Variants in EPAS1 observed in about 807,000 individuals in gnomAD.
EPAS1 encodes the protein endothelial PAS domain protein 1.
A neutral mutation model predicts 87.9 loss-of-function variants in EPAS1; 23 were observed. That is an observed-to-expected ratio of 0.26 (90% confidence interval 0.19 to 0.37). The LOEUF (loss-of-function observed/expected upper bound fraction) is 0.37. EPAS1 is among the 10% of genes least tolerant of loss of function. The pLI, the probability that EPAS1 is intolerant of heterozygous loss-of-function variation, is 1.00. For synonymous variants in EPAS1, 508 were observed against 444.3 expected, an observed-to-expected ratio of 1.14 and a Z score of -1.80; for missense variants, 1,138 against 1,120.7, an observed-to-expected ratio of 1.02 and a Z score of -0.22.
intron 14 of EPAS1, 91 bp from the exon 15 acceptor site, chr2:46,382,334 C>A (rs913474883): frequency 1.3e-6 from 2 of 1,527,780 alleles, no homozygotes. Context: ...ACTCTGAGCA[C>A]CTTTTATAAA....
chr2:46,304,598 C>G (rs1683072186), intron 1 of EPAS1, among the ~76,000 whole-genome samples: 1 of 152,094 alleles, frequency 6.6e-6, no homozygotes. Flanking sequence ...CATGGAACTC[C>G]TTGAATTTCT....
intron 1 of EPAS1, among the ~76,000 whole-genome samples, chr2:46,321,211 G>A (rs6724267): frequency 0.92 from 139,479 of 152,298 alleles, 63,977 homozygotes; most frequent in East Asian, 0.97. Flanking sequence ...TGTATTCAAA[G>A]TTTTATTTCT....
intron 8 of EPAS1, among the ~76,000 whole-genome samples, 199 bp downstream of exon 8, chr2:46,376,036 G>C (rs1374567131): frequency 6.6e-6 from 1 of 152,172 alleles, no homozygotes. Flanking sequence ...ACTGGGTTGG[G>C]ATTTTTTTTT....
intron 3 of EPAS1, 78 bp downstream of exon 3, chr2:46,356,380 C>T: frequency 1.3e-6 from 2 of 1,578,016 alleles, no homozygotes; most frequent in Non-Finnish European, 8.7e-7. Flanking sequence ...GTGCTAGCCA[C>T]AATCCCACTT....
chr2:46,380,776 A>G lies in EPAS1; in HGVS notation c.2045+59A>G. 1 of 1,599,442 alleles carries G rather than the reference A, an allele frequency of 6.3e-7. No individual in the cohort carries two copies. The highest frequency in any genetic ancestry group is 8.5e-7 in the Non-Finnish European group (1 of 1,179,838). ...CCGAACCGAGAGGCACCCACTAGTA[A>G]GATAGCTGGACCCCCAGGGAGGCCC... is the stretch of plus-strand genomic sequence containing the variant. On this transcript the variant is annotated intron_variant, in intron 12 of 15. Coordinates refer to ENST00000263734, the MANE Select transcript of EPAS1 (RefSeq NM_001430.5). The surrounding 1 kb of genome is among the most constrained non-coding windows in gnomAD (Gnocchi z 4.4).
Position 46,384,812 on chromosome 2 carries a change from G to T in EPAS1, c.*152G>T. Reference sequence around the variant, plus strand: ...GACTTGCCCAGGTCACCAAGCAGTGGCCTTTTTCTGAGATGCTCACTTTAT... The same window carrying T: ...GACTTGCCCAGGTCACCAAGCAGTGTCCTTTTTCTGAGATGCTCACTTTAT... On this transcript the variant is annotated 3_prime_UTR_variant, in exon 16 of 16. Coordinates refer to ENST00000263734, the MANE Select transcript of EPAS1 (RefSeq NM_001430.5). The T allele has an allele frequency of 2.2e-6, 2 of 913,278 alleles. No individual in the cohort carries two copies. Among genetic ancestry groups the T allele is most frequent in the Non-Finnish European group, 3.4e-6 (2 of 595,822 alleles). 56.6% of individuals were successfully genotyped at this position (913,278 alleles called of 1,614,324 possible).
intron 6 of EPAS1, among the ~76,000 whole-genome samples, chr2:46,365,858 C>T (rs1222728160): frequency 6.6e-6 from 1 of 152,020 alleles, no homozygotes; most frequent in African/African-American, 2.4e-5. Context: ...TCACGGGGTG[C>T]TGAGGAGAGG....
intron 15 of EPAS1, among the ~76,000 whole-genome samples, chr2:46,383,655 G>GA (rs532473588): frequency 3.1e-4 from 47 of 152,324 alleles, no homozygotes; most frequent in African/African-American, 1.1e-3. Context: ...TGAAGCCCAC[G>GA]AATTACCTTG....
In EPAS1 at chr2:46,330,029, T is replaced by C. The variant is rs138342420; in HGVS notation, c.27-16844T>C. 6.9e-3 allele frequency among the ~76,000 whole-genome samples: 1,059 copies of C among 152,384 alleles called. 14 individuals are homozygous for C. The highest frequency in any genetic ancestry group is 0.023 in the African/African-American group (977 of 41,594). ...AATCCAACTAAGAATGTGTAACTGC[T>C]GAACATTCTGATTGAGGTTCCAGAC... On this transcript the variant is annotated intron_variant, in intron 1 of 15. Coordinates refer to ENST00000263734, the MANE Select transcript of EPAS1 (RefSeq NM_001430.5).
chr2:46,344,460 C>T (rs961630755), intron 1 of EPAS1, among the ~76,000 whole-genome samples: 6 of 152,214 alleles, frequency 3.9e-5, no homozygotes, highest in Non-Finnish European at 8.8e-5. Flanking sequence ...TAATGAAATC[C>T]AGCATCTTTC....
Position 46,300,539 on chromosome 2 carries a change from C to T in EPAS1, c.26+2602C>T, listed in dbSNP as rs1184878030. 6.6e-6 allele frequency among the ~76,000 whole-genome samples: 1 copy of T among 152,102 alleles called. No homozygotes were observed. Among genetic ancestry groups the T allele is most frequent in the Non-Finnish European group, 1.5e-5 (1 of 68,014 alleles). On this transcript the variant is annotated intron_variant, in intron 1 of 15. Transcript: ENST00000263734. This position sits in a 1 kb window ranked among gnomAD's most constrained non-coding sequence, Gnocchi z 4.1. ...TAGTACCAGTTTTGGTGGTAGTGGG[C>T]ATTTGCGGTGACATCACAGATGTCA...
intron 1 of EPAS1, among the ~76,000 whole-genome samples, chr2:46,317,903 C>T (rs1683373229): frequency 6.6e-6 from 1 of 152,210 alleles, no homozygotes; most frequent in African/African-American, 2.4e-5. Flanking sequence ...TAGCTTCATA[C>T]TTTTCTTAAT....
At chr2:46,316,103 C>T (rs748674547) in intron 1 of EPAS1, among the ~76,000 whole-genome samples, 5 of 152,052 alleles carry the variant, frequency 3.3e-5, no homozygotes, top group African/African-American at 4.8e-5. Context: ...TTACAGAATA[C>T]GGGCATACTT....
chr2:46,315,951 T>C (rs1683306882), intron 1 of EPAS1, among the ~76,000 whole-genome samples: 1 of 152,222 alleles, frequency 6.6e-6, no homozygotes, highest in Non-Finnish European at 1.5e-5. Flanking sequence ...ATAAAAAATA[T>C]ACATGTTCCC....
chr2:46,332,567 T>A (rs563999199), intron 1 of EPAS1, among the ~76,000 whole-genome samples: 2 of 151,980 alleles, frequency 1.3e-5, no homozygotes, highest in Non-Finnish European at 2.9e-5. Flanking sequence ...CTTTTTGAAG[T>A]TTGGGCTAAT....
intron 14 of EPAS1, 94 bp from the exon 15 acceptor site, chr2:46,382,331 G>A: frequency 6.6e-7 from 1 of 1,507,150 alleles, no homozygotes; most frequent in Non-Finnish European, 9.2e-7. Flanking sequence ...GTGACTCTGA[G>A]CACCTTTTAT....
chr2:46,315,146 A>C (rs1683286404), intron 1 of EPAS1, among the ~76,000 whole-genome samples: 1 of 152,126 alleles, frequency 6.6e-6, no homozygotes, highest in Non-Finnish European at 1.5e-5. Flanking sequence ...GGCCACTGTG[A>C]CTCATATACA....
At chr2:46,341,107 G>A (rs1464613131) in intron 1 of EPAS1, among the ~76,000 whole-genome samples, 1 of 152,194 alleles carries the variant, frequency 6.6e-6, no homozygotes, top group African/African-American at 2.4e-5. Context: ...TTGGACATCA[G>A]AATGTACCTA....
At chr2:46,324,657 C>T (rs1255179908) in intron 1 of EPAS1, among the ~76,000 whole-genome samples, 1 of 152,232 alleles carries the variant, frequency 6.6e-6, no homozygotes, top group Non-Finnish European at 1.5e-5. Flanking sequence ...TGAAAACGCT[C>T]ATCCTTGGGC....
Sources: gnomAD v4.1 joint callset for allele counts (sites outside exome capture counted in the v4.1 genomes callset) on GRCh38, gnomAD v4.1.1 for gene constraint, Gnocchi (gnomAD v3.1) non-coding constraint, MANE v1.5 for transcripts, NCBI Gene and HGNC (gene_info 2026-07-23, HGNC 2026-07-21) for gene names.